CDH18: variants seen among roughly 807,000 people sequenced by gnomAD.
CDH18 encodes the protein cadherin 18.
A neutral mutation model predicts 67.9 loss-of-function variants in CDH18; 31 were observed. That is an observed-to-expected ratio of 0.46 (90% CI 0.34 to 0.62). CDH18 has a LOEUF of 0.62. Among genes scored for constraint, CDH18 ranks in the 20% least tolerant of loss-of-function variants. The pLI is 0.01. For synonymous variants in CDH18, 362 were observed against 347.2 expected, an observed-to-expected ratio of 1.04 and a Z score of -0.48; for missense variants, 890 against 975.5, an observed-to-expected ratio of 0.91 and a Z score of 1.17.
In CDH18 at chr5:20,146,490, T is replaced by C. The variant is rs76526841; in HGVS notation, c.-518+108954A>G. Among the ~76,000 whole-genome samples the C allele has an allele frequency of 7.0e-3, 1,070 of 152,180 alleles. 14 individuals carry two copies. The highest frequency in any genetic ancestry group is 0.025 in the African/African-American group (1,026 of 41,562). Reference sequence around the variant, plus strand: ...TATTAGTTACTTACTTATCCACTTGTTTATCTTTATGTATATCATTAGAAG... The same window carrying C: ...TATTAGTTACTTACTTATCCACTTGCTTATCTTTATGTATATCATTAGAAG... On this transcript the variant is annotated intron_variant, in intron 2 of 14. Coordinates refer to the CDH18 transcript ENST00000507958.
At chr5:20,274,555 G>T (rs1259188206) in intron 1 of CDH18, among the ~76,000 whole-genome samples, 1 of 151,972 alleles carries the variant, frequency 6.6e-6, no homozygotes, top group Admixed American at 6.6e-5. Context: ...TCATAGATGA[G>T]TACATATGTC....
intron 2 of CDH18, among the ~76,000 whole-genome samples, chr5:19,850,724 C>T (rs915861763): frequency 1.1e-4 from 16 of 151,782 alleles, no homozygotes; most frequent in Admixed American, 8.6e-4. Context: ...GGAAAATTAA[C>T]CCTAATTGTT....
intron 2 of CDH18, among the ~76,000 whole-genome samples, chr5:20,248,659 TGTGA>T (rs1743571071): frequency 6.6e-6 from 1 of 152,236 alleles, no homozygotes; most frequent in Non-Finnish European, 1.5e-5. Flanking sequence ...GTCAACCCTG[TGTGA>T]CCTTCTGCAG....
intron 3 of CDH18, among the ~76,000 whole-genome samples, chr5:19,767,366 G>C (rs986747490): frequency 6.6e-6 from 1 of 151,964 alleles, no homozygotes; most frequent in African/African-American, 2.4e-5. Context: ...TTGCGAATAA[G>C]GAGGCTTGAA....
At chr5:20,486,849 G>C (rs569506508) in intron 1 of CDH18, among the ~76,000 whole-genome samples, 1 of 152,108 alleles carries the variant, frequency 6.6e-6, no homozygotes, top group South Asian at 2.1e-4. Context: ...TAAGGGGCTG[G>C]AAAACTATTG....
chr5:19,984,053 A>T (rs1799318850), intron 1 of CDH18, among the ~76,000 whole-genome samples: 3 of 152,142 alleles, frequency 2.0e-5, no homozygotes, highest in Admixed American at 2.0e-4. Context: ...GGACTCATAA[A>T]AAAATCATGT....
intron 3 of CDH18, among the ~76,000 whole-genome samples, chr5:19,774,511 G>A (rs185105027): frequency 1.3e-5 from 2 of 151,342 alleles, no homozygotes; most frequent in East Asian, 1.9e-4. Flanking sequence ...CTCATGAATG[G>A]GATAAGCACG....
intron 2 of CDH18, among the ~76,000 whole-genome samples, chr5:20,011,456 T>C (rs1260171866): frequency 6.6e-6 from 1 of 152,168 alleles, no homozygotes; most frequent in Non-Finnish European, 1.5e-5. Flanking sequence ...TTCTTCCTCT[T>C]GCCTGATTGC....
At chr5:19,816,136 A>G (rs1265335243) in intron 3 of CDH18, among the ~76,000 whole-genome samples, 11 of 151,940 alleles carry the variant, frequency 7.2e-5, no homozygotes, top group African/African-American at 2.7e-4. Context: ...CCAAGATTCT[A>G]AGGCAACATT....
At chr5:19,755,190 C>T (rs1477366914) in intron 3 of CDH18, among the ~76,000 whole-genome samples, 1 of 144,788 alleles carries the variant, frequency 6.9e-6, no homozygotes, top group African/African-American at 2.5e-5. Context: ...TAAAAACAAA[C>T]AAAAAAAATA....
chr5:19,760,475 T>C (rs1772185337), intron 3 of CDH18, among the ~76,000 whole-genome samples: 1 of 152,140 alleles, frequency 6.6e-6, no homozygotes, highest in Non-Finnish European at 1.5e-5. Flanking sequence ...TTAATCCATA[T>C]TTTGGCTAAC....
chr5:20,058,372 T>C (rs1742175369), intron 2 of CDH18, among the ~76,000 whole-genome samples: 1 of 152,118 alleles, frequency 6.6e-6, no homozygotes, highest in Non-Finnish European at 1.5e-5. Flanking sequence ...TCAAAATGAT[T>C]AAGTAGCACA....
chr5:19,764,016 A>AT, intron 3 of CDH18, among the ~76,000 whole-genome samples: 1 of 148,960 alleles, frequency 6.7e-6, no homozygotes, highest in Middle Eastern at 3.4e-3. Flanking sequence ...AAAAAAAAAA[A>AT]AATTAGCTGG....
In CDH18 at chr5:20,418,982, A is replaced by C. The variant is rs528888765; in HGVS notation, c.-580+156480T>G. ...ACAGAGCAAGAGGTTGGTACTGCGC[A>C]AACTAGATGAGGGATATGGTTTGGC... On this transcript the variant is annotated intron_variant, in intron 1 of 14. Coordinates refer to the CDH18 transcript ENST00000507958. 5.3e-5 allele frequency among the ~76,000 whole-genome samples: 8 copies of C among 152,088 alleles called. No individual in the cohort carries two copies. The South Asian group carries it at 1.5e-3, about 28-fold the overall frequency.
In CDH18 at chr5:19,731,293, C is replaced by CA. The variant is rs747603233; in HGVS notation, c.524-9828dup. Among the ~76,000 whole-genome samples the CA allele has an allele frequency of 7.5e-4, 114 of 151,762 alleles. 1 individual carries two copies. In the East Asian group the frequency reaches 0.02, roughly 27 times the overall value. On this transcript the variant is annotated intron_variant, in intron 4 of 12. Transcript: ENST00000382275. ...TGAAACCCTGTCTCTACTAAAAATACAAAAAAAATTAGCCAGGTGTGGTGG... is the reference window on the plus strand; with the variant it reads ...TGAAACCCTGTCTCTACTAAAAATACAAAAAAAAATTAGCCAGGTGTGGTGG...
chr5:19,697,919 T>G (rs1561076775), intron 5 of CDH18, among the ~76,000 whole-genome samples: 1 of 152,166 alleles, frequency 6.6e-6, no homozygotes, highest in Non-Finnish European at 1.5e-5. Flanking sequence ...GGAAGGCAGT[T>G]TATAGTCTTG....
In CDH18 at chr5:19,528,978, T is replaced by TA. The variant is rs1022574260; in HGVS notation, c.1391-8201dup. On this transcript the variant is annotated intron_variant, in intron 9 of 12. Coordinates refer to ENST00000382275, the MANE Select transcript of CDH18 (RefSeq NM_004934.5). The stretch of plus-strand genomic sequence containing the variant: ...GTTTGACTGGTTTGGAAATAGAACT[T>TA]AAAAAAAAAATCCACCTTAGTCAGG... Among the ~76,000 whole-genome samples the TA allele has an allele frequency of 3.6e-3, 542 of 148,992 alleles. 1 individual carries two copies. Among genetic ancestry groups the TA allele is most frequent in the African/African-American group, 0.012 (507 of 40,696 alleles).
intron 1 of CDH18, among the ~76,000 whole-genome samples, chr5:20,533,183 T>C (rs1249512180): frequency 6.6e-6 from 1 of 152,042 alleles, no homozygotes; most frequent in Non-Finnish European, 1.5e-5. Context: ...ATGTCTAAGG[T>C]GAACAGCAAA....
chr5:20,213,869 T>C (rs1740549044), intron 2 of CDH18, among the ~76,000 whole-genome samples: 1 of 152,092 alleles, frequency 6.6e-6, no homozygotes, highest in African/African-American at 2.4e-5. Context: ...ATTCTTAGTG[T>C]CTCAGTCTCA....
Sources: allele counts gnomAD v4.1 joint callset (sites outside exome capture counted in the v4.1 genomes callset), GRCh38; gene constraint gnomAD v4.1.1; transcripts MANE v1.5; gene names NCBI Gene and HGNC (gene_info 2026-07-23, HGNC 2026-07-21).